The following MGAT4C variants were observed in gnomAD, a reference collection of about 807,000 sequenced individuals.
MGAT4C encodes the protein alpha-1,3-mannosyl-glycoprotein 4-beta-N-acetylglucosaminyltransferase C.
MGAT4C carries 19 observed loss-of-function variants against 40.1 expected under a neutral mutation model. The observed-to-expected ratio is 0.47, with a 90% CI of 0.33 to 0.70. The LOEUF is 0.70. MGAT4C is among the 30% of genes least tolerant of loss of function. The pLI, the probability that MGAT4C is intolerant of heterozygous loss-of-function variation, is 0.02. For missense variants in MGAT4C, 491 were observed against 563.2 expected, an observed-to-expected ratio of 0.87 and a Z score of 1.30; for synonymous variants, 181 against 187.1, an observed-to-expected ratio of 0.97 and a Z score of 0.27.
chr12:86,381,135 A>G (rs1207405244), intron 3 of MGAT4C, among the ~76,000 whole-genome samples: 2 of 152,130 alleles, frequency 1.3e-5, no homozygotes, highest in African/African-American at 4.8e-5. Flanking sequence ...GCATACCACT[A>G]TAGTTGGAAT....
At chr12:86,197,565 C>G (rs1949863107) in intron 1 of MGAT4C, among the ~76,000 whole-genome samples, 1 of 152,140 alleles carries the variant, frequency 6.6e-6, no homozygotes, top group Admixed American at 6.5e-5. Flanking sequence ...GAGCACTCAT[C>G]AAAACCTGAC....
intron 1 of MGAT4C, among the ~76,000 whole-genome samples, chr12:86,754,341 G>C (rs184766522): frequency 6.6e-6 from 1 of 152,098 alleles, no homozygotes; most frequent in Non-Finnish European, 1.5e-5. Context: ...GGAGTGAAGG[G>C]AGGGAAGGAT....
chr12:86,379,820 A>G (rs1042595742), intron 3 of MGAT4C, among the ~76,000 whole-genome samples: 1 of 152,026 alleles, frequency 6.6e-6, no homozygotes, highest in African/African-American at 2.4e-5. Context: ...GTCATTCTTC[A>G]ATCCAAAATT....
rs570811390 is a variant in MGAT4C at position 86,498,370 on chromosome 12, C to A, written c.-228-63105G>T. On this transcript the variant is annotated intron_variant, in intron 2 of 7. Transcript: ENST00000548651. ...TGGAAAATTTTGTGAAGATTTGCAA[C>A]AGTTTAAAAAAACCACAGGTGAACT... 5.9e-5 allele frequency among the ~76,000 whole-genome samples: 9 copies of A among 151,420 alleles called. No individual in the cohort carries two copies. In the South Asian group the frequency reaches 1.7e-3, roughly 28 times the overall value.
At chr12:86,434,697 A>G (rs919479021) in intron 3 of MGAT4C, among the ~76,000 whole-genome samples, 1 of 151,990 alleles carries the variant, frequency 6.6e-6, no homozygotes, top group Non-Finnish European at 1.5e-5. Context: ...AAATATAAAA[A>G]GAGAATAGAG....
In MGAT4C at chr12:85,959,290, A is replaced by C. The variant is rs959800804; in HGVS notation, c.*19999T>G. ...AAATCTCATGAAGACTAGAAGATTT[A>C]CACTCATAAGATCATGTAAATTTAT... On this transcript the variant is annotated 3_prime_UTR_variant, in exon 5 of 5. Transcript: ENST00000611864. 2 of 152,144 alleles carry C rather than the reference A, an allele frequency of 1.3e-5. No individual in the cohort carries two copies. The highest frequency in any genetic ancestry group is 4.8e-5 in the African/African-American group (2 of 41,462). The allele number at this position is 152,144 out of a possible 1,614,324, so 9.4% of individuals were successfully genotyped here. A position where few individuals can be genotyped will look rare whatever the true frequency, so the allele number is the denominator to read the frequency against.
rs1883134107 is a variant in MGAT4C at position 85,961,948 on chromosome 12, T to G, written c.*17341A>C. The G allele has an allele frequency of 1.3e-5, 2 of 151,916 alleles. No individual in the cohort carries two copies. Among genetic ancestry groups the G allele is most frequent in the East Asian group, 3.8e-4 (2 of 5,200 alleles). 9.4% of individuals were successfully genotyped at this position (151,916 alleles called of 1,614,324 possible). ...TCATTGCCCATCAAAGCAGTGAGAC[T>G]GTGTGCTATGTCCAGTTTTATTCAT... On this transcript the variant is annotated 3_prime_UTR_variant, in exon 5 of 5. Coordinates refer to ENST00000611864, the MANE Select transcript of MGAT4C (RefSeq NM_001351288.2).
chr12:86,051,870 T>G (rs1231958912), intron 1 of MGAT4C, among the ~76,000 whole-genome samples: 1 of 151,542 alleles, frequency 6.6e-6, no homozygotes, highest in African/African-American at 2.4e-5. Flanking sequence ...AAATGGTTAG[T>G]TTTTTGTACT....
chr12:86,761,582 T>C (rs1197680912), intron 1 of MGAT4C, among the ~76,000 whole-genome samples: 1 of 152,184 alleles, frequency 6.6e-6, no homozygotes, highest in Non-Finnish European at 1.5e-5. Context: ...AAATCAGTTT[T>C]ATTAAGTTGA....
chr12:86,164,698 A>G (rs1885992509), intron 1 of MGAT4C, among the ~76,000 whole-genome samples: 2 of 152,142 alleles, frequency 1.3e-5, no homozygotes, highest in Admixed American at 1.3e-4. Flanking sequence ...GAGCATGTGC[A>G]TTTGTTTGAT....
intron 2 of MGAT4C, among the ~76,000 whole-genome samples, chr12:86,674,041 T>C (rs1964329256): frequency 6.6e-6 from 1 of 152,022 alleles, no homozygotes; most frequent in South Asian, 2.1e-4. Flanking sequence ...AATTATAAAA[T>C]AAACGTTTAC....
intron 4 of MGAT4C, among the ~76,000 whole-genome samples, chr12:86,319,218 C>T (rs1253762959): frequency 1.3e-5 from 2 of 152,108 alleles, no homozygotes. Flanking sequence ...CTCTATACAC[C>T]AAATCATGCA....
chr12:86,639,127 G>T (rs1963306753), intron 2 of MGAT4C, among the ~76,000 whole-genome samples: 1 of 151,568 alleles, frequency 6.6e-6, no homozygotes, highest in African/African-American at 2.4e-5. Flanking sequence ...GGGACACTCT[G>T]CTCTCTGTTG....
chr12:86,049,926 T>C (rs1260830623), intron 1 of MGAT4C, among the ~76,000 whole-genome samples: 1 of 152,034 alleles, frequency 6.6e-6, no homozygotes, highest in African/African-American at 2.4e-5. Flanking sequence ...TGTCACAGAA[T>C]AGACATACCT....
chr12:85,957,657 C>CAAAAAAAAAAAAAAAAAGAAAAAA lies in MGAT4C; in HGVS notation c.*21631_*21632insTTTTTTCTTTTTTTTTTTTTTTTT, dbSNP rs5799763. On this transcript the variant is annotated 3_prime_UTR_variant, in exon 5 of 5. Transcript: ENST00000611864. ...TTTACTGTAGAGTTGAATAAGAAAGCAAAAAAAAAAAAAAAAGAAAAAAGA... is the reference window on the plus strand; with the variant it reads ...TTTACTGTAGAGTTGAATAAGAAAGCAAAAAAAAAAAAAAAAAGAAAAAAAAAAAAAAAAAAAAAAGAAAAAAGA... 9.9e-6 allele frequency: 1 copy of CAAAAAAAAAAAAAAAAAGAAAAAA among 101,304 alleles called. No homozygotes were observed. Among genetic ancestry groups the CAAAAAAAAAAAAAAAAAGAAAAAA allele is most frequent in the African/African-American group, 4.0e-5 (1 of 24,744 alleles). 6.3% of individuals were successfully genotyped at this position (101,304 alleles called of 1,614,324 possible).
intron 3 of MGAT4C, among the ~76,000 whole-genome samples, chr12:86,346,444 C>T (rs925143984): frequency 3.3e-5 from 5 of 152,182 alleles, no homozygotes; most frequent in Middle Eastern, 3.4e-3. Flanking sequence ...AGGCTGGTCT[C>T]GAACTCCTGA....
rs370834701 is a variant in MGAT4C at position 86,700,178 on chromosome 12, CAGATAGATAGATAGAT to C, written c.-229+27015_-229+27030del. Among the ~76,000 whole-genome samples the C allele has an allele frequency of 3.3e-3, 458 of 140,758 alleles. 2 individuals are homozygous for C. Among genetic ancestry groups the C allele is most frequent in the African/African-American group, 0.012 (437 of 36,084 alleles). 92.3% of individuals were successfully genotyped at this position (140,758 alleles called of 152,430 possible). A position where few individuals can be genotyped will look rare whatever the true frequency, so the allele number is the denominator to read the frequency against. ...ACAGACAGACAGACAGACAGACAGA[CAGATAGATAGATAGAT>C]AGATAGATAGATAGATAGATTAGGC... is the stretch of plus-strand genomic sequence containing the variant. On this transcript the variant is annotated intron_variant, in intron 2 of 7. Coordinates refer to the MGAT4C transcript ENST00000548651.
At chr12:86,702,129 C>T (rs952546714) in intron 2 of MGAT4C, among the ~76,000 whole-genome samples, 2 of 152,052 alleles carry the variant, frequency 1.3e-5, no homozygotes, top group African/African-American at 4.8e-5. Flanking sequence ...TTAAGAGATC[C>T]TCCCACCTCA....
At chr12:86,779,450 A>T (rs1306828150) in intron 1 of MGAT4C, among the ~76,000 whole-genome samples, 2 of 151,936 alleles carry the variant, frequency 1.3e-5, no homozygotes. Flanking sequence ...ATTGAAAAAA[A>T]AATTAGCCAG....
Sources: gnomAD v4.1 joint callset for allele counts (sites outside exome capture counted in the v4.1 genomes callset) on GRCh38, gnomAD v4.1.1 for gene constraint, MANE v1.5 for transcripts, NCBI Gene and HGNC (gene_info 2026-07-23, HGNC 2026-07-21) for gene names.